Variants in MRPS15 observed in about 807,000 individuals in gnomAD.
The protein encoded by MRPS15 is mitochondrial ribosomal protein S15, also known as small ribosomal subunit protein uS15m.
In MRPS15, 25 loss-of-function variants were observed where a neutral mutation model predicts 30.7. The ratio of observed to expected loss-of-function variants is 0.81; its 90% confidence interval spans 0.59 to 1.14. The LOEUF is 1.14. MRPS15 is among the 50% of genes most tolerant of loss of function. The pLI is 0.00. For synonymous variants in MRPS15, 124 were observed against 120.1 expected (o/e 1.03, Z -0.21); for missense variants, 313 against 321.7 (o/e 0.97, Z 0.21).
At position 36,458,202 on chromosome 1, in the gene MRPS15, T is replaced by A; in HGVS notation, c.386-221A>T. 2.1e-6 allele frequency: 1 copy of A among 486,340 alleles called. No homozygotes were observed. Among genetic ancestry groups the A allele is most frequent in the Non-Finnish European group, 3.7e-6 (1 of 271,104 alleles). 30.1% of individuals were successfully genotyped at this position (486,340 alleles called of 1,614,324 possible). A position where few individuals can be genotyped will look rare whatever the true frequency, so the allele number is the denominator to read the frequency against. On this transcript the variant is annotated intron_variant, in intron 5 of 7. Coordinates refer to ENST00000373116, the MANE Select transcript of MRPS15 (RefSeq NM_031280.4). The surrounding 1 kb of genome is among the most constrained non-coding windows in gnomAD (Gnocchi z 4.5). ...AAGGAAGGGACATCCCTTAATATTA[T>A]AAAGATATCATCCAAAAATCATAGC...
At chr1:36,457,343 T>C (rs1157852134) in intron 6 of MRPS15, among the ~76,000 whole-genome samples, 1 of 151,968 alleles carries the variant, frequency 6.6e-6, no homozygotes, top group Non-Finnish European at 1.5e-5. Context: ...AAGGTCTCAG[T>C]ACATCACTTC....
At chr1:36,462,019 G>T in intron 3 of MRPS15, 69 bp downstream of exon 3, 2 of 1,369,796 alleles carry the variant, frequency 1.5e-6, no homozygotes, top group Non-Finnish European at 2.1e-6. Context: ...CAAAGCCACT[G>T]TCTTTCCCCA....
At chr1:36,460,844 C>T (rs3738839) in intron 4 of MRPS15, 68 bp from the exon 5 acceptor site, 401,540 of 1,305,822 alleles carry the variant, frequency 0.31, 64,004 homozygotes, top group Admixed American at 0.45. Flanking sequence ...CCTCCTCCCC[C>T]CAAGGGCCCT....
At chr1:36,459,453 G>A (rs1438069153) in intron 5 of MRPS15, 1 of 149,966 alleles carries the variant, frequency 6.7e-6, no homozygotes, top group Non-Finnish European at 1.5e-5. Context: ...GACGACCCCA[G>A]TAACCACCTT....
chr1:36,464,059 A>ATCACCCCTACTCCTGTGCTTCCT, intron 1 of MRPS15, 87 bp downstream of exon 1: 1 of 1,544,548 alleles, frequency 6.5e-7, no homozygotes, highest in Non-Finnish European at 8.8e-7. Context: ...ACCGCTGTAT[A>ATCACCCCTACTCCTGTGCTTCCT]TCTCCCCTAC....
chr1:36,461,414 C>T, intron 3 of MRPS15, 102 bp from the exon 4 acceptor site: 1 of 1,122,400 alleles, frequency 8.9e-7, no homozygotes, highest in South Asian at 1.3e-5. Flanking sequence ...TGAAAAATTC[C>T]TTCTGTAGCA....
intron 3 of MRPS15, among the ~76,000 whole-genome samples, chr1:36,461,695 A>C (rs938190740): frequency 2.0e-5 from 3 of 152,244 alleles, no homozygotes; most frequent in Non-Finnish European, 2.9e-5. Context: ...CTTTGGTGTC[A>C]GTCAGCCCTG....
chr1:36,462,116 C>T lies in MRPS15; in HGVS notation c.223G>A (p.Asp75Asn), dbSNP rs145161049. Residue 75 changes from aspartate (D) to asparagine (N), a missense_variant, in exon 3 of 8, where the codon GAC (aspartate) becomes AAC (asparagine). Transcript: ENST00000373116. ...DDPPPSTLLKDYQNVPGIEKV... is the reference protein window; with the variant it reads ...DDPPPSTLLKNYQNVPGIEKV... Reference sequence around the variant, plus strand: ...TCAATTCCAGGGACATTCTGGTAGTCTTTGAGCAGCGTAGAGGGAGGTGGG... The same window carrying T: ...TCAATTCCAGGGACATTCTGGTAGTTTTTGAGCAGCGTAGAGGGAGGTGGG... 41 of 1,613,246 alleles carry T rather than the reference C, an allele frequency of 2.5e-5. No homozygotes were observed. Among genetic ancestry groups the T allele is most frequent in the African/African-American group, 6.7e-5 (5 of 74,886 alleles).
intron 6 of MRPS15, chr1:36,456,635 G>A: frequency 5.2e-6 from 2 of 381,166 alleles, no homozygotes; most frequent in Non-Finnish European, 4.8e-6. Context: ...CTATCTATTG[G>A]TCTGACTTCA....
At chr1:36,461,238 G>A in intron 4 of MRPS15, 26 bp downstream of exon 4, 1 of 1,613,558 alleles carries the variant, frequency 6.2e-7, no homozygotes, top group Non-Finnish European at 8.5e-7. Flanking sequence ...ACTGCGGGAG[G>A]CTGAGGCTTG....
intron 5 of MRPS15, chr1:36,459,368 T>A (rs1417284242): frequency 2.2e-5 from 3 of 139,374 alleles, no homozygotes; most frequent in African/African-American, 8.4e-5. Flanking sequence ...CTGACTGCAT[T>A]CCAGCCTGAG....
In MRPS15 at chr1:36,463,845, G is replaced by A; in HGVS notation, c.136C>T (p.Leu46Phe). ...ACATATCCGCGCGCGGCCTGGAGGAGGAGACCTACGCAGAAAAGAGAGGGC... is the reference window on the plus strand; with the variant it reads ...ACATATCCGCGCGCGGCCTGGAGGAAGAGACCTACGCAGAAAAGAGAGGGC... ...NQWGLQPRSL[L>F]LQAARGYVVR... Residue 46 changes from leucine (L) to phenylalanine (F), a missense_variant, in exon 2 of 8, where the codon CTC becomes TTC. Leu to Phe is a conservative substitution (Grantham distance 22, BLOSUM62 0). Transcript: ENST00000373116. The A allele has an allele frequency of 1.9e-6, 3 of 1,612,602 alleles. No individual in the cohort carries two copies. Among genetic ancestry groups the A allele is most frequent in the Non-Finnish European group, 2.5e-6 (3 of 1,179,102 alleles).
In MRPS15 at chr1:36,458,095, C is replaced by G; in HGVS notation, c.386-114G>C. 1 of 817,868 alleles carries G rather than the reference C, an allele frequency of 1.2e-6. No homozygotes were observed. Among genetic ancestry groups the G allele is most frequent in the Non-Finnish European group, 2.1e-6 (1 of 484,660 alleles). 50.7% of individuals were successfully genotyped at this position (817,868 alleles called of 1,614,324 possible). A position where few individuals can be genotyped will look rare whatever the true frequency, so the allele number is the denominator to read the frequency against. On this transcript the variant is annotated intron_variant, in intron 5 of 7. Coordinates refer to ENST00000373116, the MANE Select transcript of MRPS15 (RefSeq NM_031280.4). This position sits in a 1 kb window ranked among gnomAD's most constrained non-coding sequence, Gnocchi z 4.5. ...ACAATCACCAATGCTCTGTACAGCTCTCTATAAATCCCAAATCACTCTGAA... is the reference window on the plus strand; with the variant it reads ...ACAATCACCAATGCTCTGTACAGCTGTCTATAAATCCCAAATCACTCTGAA...
At chr1:36,460,193 G>A (rs993695780) in intron 5 of MRPS15, among the ~76,000 whole-genome samples, 8 of 152,138 alleles carry the variant, frequency 5.3e-5, no homozygotes, top group African/African-American at 1.9e-4. Flanking sequence ...ATTTTTAGTA[G>A]AGACGGGGTT....
rs1483271988 is a variant in MRPS15, at chr1:36,461,312, C to A, written c.252G>T (p.Lys84Asn). The change falls in exon 4 of 8, where the codon AAG becomes AAT. Residue 84 changes from lysine to asparagine, a missense_variant and splice_region_variant. Physicochemically the swap from Lys to Asn is moderately conservative, Grantham distance 94. Transcript: ENST00000373116. Reference sequence around the variant, plus strand: ...AGAGTCTTTTCACGACATCATCAACCCTGTGGATAAACCACAGCAATGAGA... The same window carrying A: ...AGAGTCTTTTCACGACATCATCAACACTGTGGATAAACCACAGCAATGAGA... ...KDYQNVPGIE[K>N]VDDVVKRLLS... The A allele has an allele frequency of 6.2e-7, 1 of 1,614,108 alleles. No homozygotes were observed. Among genetic ancestry groups the A allele is most frequent in the Non-Finnish European group, 8.5e-7 (1 of 1,179,968 alleles).
intron 2 of MRPS15, 122 bp downstream of exon 2, chr1:36,463,684 T>G: frequency 8.5e-7 from 1 of 1,177,110 alleles, no homozygotes. Context: ...GTGGGGTCTT[T>G]TGCTCAGGAC....
intron 4 of MRPS15, 71 bp from the exon 5 acceptor site, chr1:36,460,847 A>G (rs1348422525): frequency 2.4e-6 from 3 of 1,261,248 alleles, no homozygotes; most frequent in Admixed American, 1.8e-5. Context: ...CCTCCCCCCA[A>G]GGGCCCTGGC....
intron 6 of MRPS15, 32 bp from the exon 7 acceptor site, chr1:36,456,410 T>C (rs1403739917): frequency 2.6e-6 from 4 of 1,541,664 alleles, no homozygotes; most frequent in South Asian, 1.2e-5. Context: ...TTTAGTATTA[T>C]ATAAGTGTTA....
intron 2 of MRPS15, among the ~76,000 whole-genome samples, chr1:36,463,273 A>G (rs1650134158): frequency 6.6e-6 from 1 of 152,254 alleles, no homozygotes; most frequent in African/African-American, 2.4e-5. Context: ...GGCCCCAGAT[A>G]ATAAATTCTA....
Sources: gnomAD v4.1 joint callset for allele counts (sites outside exome capture counted in the v4.1 genomes callset) on GRCh38, gnomAD v4.1.1 for gene constraint, Gnocchi (gnomAD v3.1) non-coding constraint, MANE v1.5 for transcripts, NCBI Gene and HGNC (gene_info 2026-07-23, HGNC 2026-07-21) for gene names.